Variants in BACH2 observed in about 807,000 individuals in gnomAD.
BACH2 encodes BACH transcriptional regulator 2, also known as transcription regulator protein BACH2.
A neutral mutation model predicts 61.8 loss-of-function variants in BACH2; 5 were observed. The ratio of observed to expected loss-of-function variants is 0.08; its 90% CI spans 0.04 to 0.17. The LOEUF is 0.17. BACH2 is among the 10% of genes least tolerant of loss of function. BACH2 has a pLI of 1.00. For synonymous variants in BACH2, 446 were observed against 440.1 expected, an observed-to-expected ratio of 1.01 and a Z score of -0.17; for missense variants, 824 against 1,091.1, an observed-to-expected ratio of 0.76 and a Z score of 3.45.
intron 6 of BACH2, among the ~76,000 whole-genome samples, chr6:90,003,113 A>G (rs1232945325): frequency 3.3e-5 from 5 of 151,842 alleles, no homozygotes; most frequent in Non-Finnish European, 5.9e-5. Flanking sequence ...CTTTCAATTT[A>G]TTTTCACGTG....
chr6:90,295,944 C>T (rs1330509848), intron 1 of BACH2, among the ~76,000 whole-genome samples: 3 of 152,098 alleles, frequency 2.0e-5, no homozygotes, highest in Non-Finnish European at 4.4e-5. Context: ...AAAGGCGCCG[C>T]GGCCAAGGTC....
chr6:90,056,256 C>A (rs367915092), intron 5 of BACH2, among the ~76,000 whole-genome samples: 7 of 151,844 alleles, frequency 4.6e-5, no homozygotes, highest in South Asian at 2.1e-4. Flanking sequence ...ACATAGGCTC[C>A]AAATAAAGGG....
chr6:89,935,101 C>T (rs931606645), intron 8 of BACH2, among the ~76,000 whole-genome samples: 6 of 151,858 alleles, frequency 4.0e-5, no homozygotes, highest in Admixed American at 6.6e-5. Flanking sequence ...GTGTGGGAGA[C>T]GGCGTGGGAG....
intron 3 of BACH2, among the ~76,000 whole-genome samples, chr6:90,251,574 AGAGAGAACCCTTT>A (rs1770812198): frequency 1.0e-5 from 1 of 96,340 alleles, no homozygotes; most frequent in Non-Finnish European, 3.1e-5. Flanking sequence ...TATTAAAAAA[AGAGAGAACCCTTT>A]TGCTTTCAGA....
At chr6:90,043,725 T>A (rs1779651341) in intron 5 of BACH2, among the ~76,000 whole-genome samples, 1 of 152,144 alleles carries the variant, frequency 6.6e-6, no homozygotes, top group African/African-American at 2.4e-5. Context: ...TGCCTACTCT[T>A]CTCTGTCTGG....
At chr6:90,277,343 A>G (rs1310446265) in intron 1 of BACH2, among the ~76,000 whole-genome samples, 2 of 152,232 alleles carry the variant, frequency 1.3e-5, no homozygotes. Context: ...TGTCATGCAC[A>G]ATATGAGTTA....
intron 3 of BACH2, among the ~76,000 whole-genome samples, chr6:90,249,322 C>T (rs1238703571): frequency 6.6e-6 from 1 of 152,192 alleles, no homozygotes; most frequent in Non-Finnish European, 1.5e-5. Flanking sequence ...ATGTAGCTTC[C>T]TGTCATCTTC....
At chr6:90,152,693 A>G (rs1309999099) in intron 4 of BACH2, among the ~76,000 whole-genome samples, 1 of 152,220 alleles carries the variant, frequency 6.6e-6, no homozygotes. Flanking sequence ...AATGCCTTTC[A>G]TTTAGTCTGC....
At chr6:90,029,069 A>G (rs1298042764) in intron 5 of BACH2, among the ~76,000 whole-genome samples, 1 of 151,976 alleles carries the variant, frequency 6.6e-6, no homozygotes, top group Non-Finnish European at 1.5e-5. Context: ...CCTTTTCTTC[A>G]CGTAAGTATT....
chr6:90,210,319 AC>A (rs1769300346), intron 3 of BACH2, among the ~76,000 whole-genome samples: 1 of 53,318 alleles, frequency 1.9e-5, no homozygotes, highest in Non-Finnish European at 6.2e-5. Flanking sequence ...AACAACACAC[AC>A]ACACACACAC....
At chr6:90,104,700 A>T (rs1782822409) in intron 4 of BACH2, among the ~76,000 whole-genome samples, 1 of 152,188 alleles carries the variant, frequency 6.6e-6, no homozygotes, top group African/African-American at 2.4e-5. Context: ...TTGGTGGGCT[A>T]CACCACCTGA....
intron 3 of BACH2, among the ~76,000 whole-genome samples, chr6:90,243,904 G>A (rs597244): frequency 0.066 from 10,065 of 152,170 alleles, 1,061 homozygotes; most frequent in African/African-American, 0.22. Flanking sequence ...ATAAACCTCA[G>A]TCATAGGACA....
At chr6:90,179,251 A>C (rs751314037) in intron 4 of BACH2, among the ~76,000 whole-genome samples, 42 of 152,182 alleles carry the variant, frequency 2.8e-4, no homozygotes, top group African/African-American at 4.8e-5. Flanking sequence ...TCACTAATGA[A>C]ATGTATCCAT....
intron 5 of BACH2, among the ~76,000 whole-genome samples, chr6:90,037,340 T>C (rs1779310327): frequency 6.6e-6 from 1 of 152,234 alleles, no homozygotes; most frequent in South Asian, 2.1e-4. Context: ...GAAGATGAAC[T>C]GTTATAACAT....
intron 3 of BACH2, among the ~76,000 whole-genome samples, chr6:90,231,277 T>C (rs1427071588): frequency 2.6e-5 from 4 of 152,238 alleles, no homozygotes; most frequent in African/African-American, 9.6e-5. Flanking sequence ...TTTTTATCTA[T>C]CAAGGACAGG....
chr6:90,287,875 A>C (rs1470354494), intron 1 of BACH2, among the ~76,000 whole-genome samples: 1 of 152,214 alleles, frequency 6.6e-6, no homozygotes, highest in African/African-American at 2.4e-5. Flanking sequence ...TGTTCATAAA[A>C]TCTTTCTCTG....
intron 1 of BACH2, among the ~76,000 whole-genome samples, chr6:90,291,437 C>T (rs1244114725): frequency 2.7e-5 from 4 of 150,604 alleles, no homozygotes; most frequent in East Asian, 3.9e-4. Context: ...TCCAGCCTTA[C>T]GGAAGCTGAG....
At chr6:89,965,492 A>T (rs981422429) in intron 6 of BACH2, among the ~76,000 whole-genome samples, 3 of 152,208 alleles carry the variant, frequency 2.0e-5, no homozygotes, top group Admixed American at 2.0e-4. Flanking sequence ...ATTATGAGTT[A>T]AGCAAGATAT....
At chr6:90,212,540 G>C (rs547796453) in intron 3 of BACH2, among the ~76,000 whole-genome samples, 1 of 152,144 alleles carries the variant, frequency 6.6e-6, no homozygotes, top group Non-Finnish European at 1.5e-5. Flanking sequence ...GAGACCAGAC[G>C]TTTGCCATTC....
Sources: gnomAD v4.1 joint callset for allele counts (sites outside exome capture counted in the v4.1 genomes callset) on GRCh38, gnomAD v4.1.1 for gene constraint, MANE v1.5 for transcripts, NCBI Gene and HGNC (gene_info 2026-07-23, HGNC 2026-07-21) for gene names.